The following HEATR6 variants were observed in gnomAD, a reference collection of about 807,000 sequenced individuals.
HEATR6 encodes HEAT repeat-containing protein 6.
Under a neutral mutation model 132.8 loss-of-function variants are expected in HEATR6, and 106 were observed. That is an observed-to-expected ratio of 0.80 (90% CI 0.68 to 0.94). HEATR6 has a LOEUF of 0.94. Among genes scored for constraint, HEATR6 ranks in the 40% least tolerant of loss-of-function variants. HEATR6 has a pLI of 0.00. For synonymous variants in HEATR6, 529 were observed against 537.8 expected (o/e 0.98, Z 0.23); for missense variants, 1,339 against 1,425.1 (o/e 0.94, Z 0.97).
chr17:60,047,593 CA>C lies in HEATR6; in HGVS notation c.2673-189del, dbSNP rs56109196. On this transcript the variant is annotated intron_variant, in intron 17 of 19. Coordinates refer to ENST00000184956, the MANE Select transcript of HEATR6 (RefSeq NM_022070.5). ...AATAGTTCCCCACATAGGAATGTCT[CA>C]AAAAAAAAAAAATCTCAAAATGCAG... is the stretch of plus-strand genomic sequence containing the variant. Among the ~76,000 whole-genome samples the C allele has an allele frequency of 5.6e-3, 782 of 140,856 alleles. 3 individuals are homozygous for C. Among genetic ancestry groups the C allele is most frequent in the African/African-American group, 0.015 (608 of 39,796 alleles). 92.4% of individuals were successfully genotyped at this position (140,856 alleles called of 152,430 possible).
Position 60,066,202 on chromosome 17 carries a change from C to A in HEATR6, c.1416+7G>T, listed in dbSNP as rs2083239538. 3 of 1,608,268 alleles carry A rather than the reference C, an allele frequency of 1.9e-6. No homozygotes were observed. The highest frequency in any genetic ancestry group is 1.1e-5 in the South Asian group (1 of 89,742). On this transcript the variant is annotated splice_region_variant and intron_variant, in intron 9 of 19. Transcript: ENST00000184956. ...TATTATAAAGCTTAGAGTTTAAATTCTCTTACCTTTGGAGAAGGGTCTTTC... is the reference window on the plus strand; with the variant it reads ...TATTATAAAGCTTAGAGTTTAAATTATCTTACCTTTGGAGAAGGGTCTTTC...
intron 1 of HEATR6, chr17:60,076,726 A>T (rs1002554549): frequency 5.2e-5 from 8 of 153,130 alleles, no homozygotes; most frequent in Non-Finnish European, 1.2e-4. Context: ...AAAAGAAAAA[A>T]AAAGGAAAAG....
Position 60,043,464 on chromosome 17 carries a change from G to A in HEATR6, c.*99C>T, listed in dbSNP as rs77648163. The A allele has an allele frequency of 4.2e-4, 418 of 1,001,420 alleles. No homozygotes were observed. Among genetic ancestry groups the A allele is most frequent in the Non-Finnish European group, 5.3e-4 (352 of 664,104 alleles). 62.0% of individuals were successfully genotyped at this position (1,001,420 alleles called of 1,614,324 possible). ...AAGTCATTCTAAATAAATAGTGAAC[G>A]GATTGTTTCTGCCCCTAAGATGAAA... On this transcript the variant is annotated 3_prime_UTR_variant, in exon 20 of 20. Coordinates refer to ENST00000184956, the MANE Select transcript of HEATR6 (RefSeq NM_022070.5).
At chr17:60,056,075 G>A in intron 13 of HEATR6, 40 bp downstream of exon 13, 1 of 1,605,714 alleles carries the variant, frequency 6.2e-7, no homozygotes, top group Non-Finnish European at 8.5e-7. Context: ...GATATAAAGT[G>A]AAGAGAAGGA....
At chr17:60,064,416 T>C (rs2083228821) in intron 9 of HEATR6, 1 of 152,374 alleles carries the variant, frequency 6.6e-6, no homozygotes, top group Non-Finnish European at 1.5e-5. Context: ...ATGGACAGAC[T>C]GCAAAGGTAT....
chr17:60,049,621 G>A lies in HEATR6; in HGVS notation c.2506C>T (p.Arg836Trp), dbSNP rs752099952. 1.2e-5 allele frequency: 19 copies of A among 1,613,762 alleles called. No homozygotes were observed. Among genetic ancestry groups the A allele is most frequent in the Middle Eastern group, 1.6e-4 (1 of 6,062 alleles). The change falls in exon 16 of 20, where the codon CGG becomes TGG. Residue 836 changes from arginine to tryptophan, a missense_variant. Arg to Trp is a moderately radical substitution (Grantham distance 101). Coordinates refer to ENST00000184956, the MANE Select transcript of HEATR6 (RefSeq NM_022070.5). ...KNRLVKAATS[R>W]ALGVYVLFPC... is the part of the protein sequence containing the mutation. ...AAAAGCACATAGACTCCCAGGGCCCGTGAAGTTGCAGCTTTCACTAAGCGA... is the reference window on the plus strand; with the variant it reads ...AAAAGCACATAGACTCCCAGGGCCCATGAAGTTGCAGCTTTCACTAAGCGA...
At chr17:60,066,111 G>A in intron 9 of HEATR6, 98 bp downstream of exon 9, 1 of 1,035,008 alleles carries the variant, frequency 9.7e-7, no homozygotes, top group Non-Finnish European at 1.5e-6. Context: ...GTGTTACTAA[G>A]AGCTATATTC....
intron 10 of HEATR6, 122 bp downstream of exon 10, chr17:60,059,768 G>A (rs1906872589): frequency 1.3e-6 from 1 of 765,356 alleles, no homozygotes; most frequent in Non-Finnish European, 2.2e-6. Flanking sequence ...TCCAAATAGT[G>A]TATTTTTAAT....
intron 11 of HEATR6, among the ~76,000 whole-genome samples, chr17:60,057,933 G>A (rs1906807164): frequency 6.6e-6 from 1 of 152,044 alleles, no homozygotes; most frequent in African/African-American, 2.4e-5. Flanking sequence ...ATTTATGTGG[G>A]TCTATTTCTG....
At position 60,044,112 on chromosome 17, in the gene HEATR6, C is replaced by T; in HGVS notation, c.2997G>A (p.Gln999=). Residue 999 remains glutamine, a synonymous_variant, in exon 20 of 20, where the codon CAG becomes CAA. Coordinates refer to ENST00000184956, the MANE Select transcript of HEATR6 (RefSeq NM_022070.5). ...CGACCGATGTCAGGGCATTGTAGGCCTGGGAGGTCCATGGGGCTGTCCCTA... is the reference window on the plus strand; with the variant it reads ...CGACCGATGTCAGGGCATTGTAGGCTTGGGAGGTCCATGGGGCTGTCCCTA... ...LPLGTAPWTS[Q]AYNALTSVVT... 1 of 1,611,644 alleles carries T rather than the reference C, an allele frequency of 6.2e-7. No homozygotes were observed. The highest frequency in any genetic ancestry group is 8.5e-7 in the Non-Finnish European group (1 of 1,178,652).
At position 60,057,174 on chromosome 17, in the gene HEATR6, G is replaced by A. The variant is rs143990345; in HGVS notation, c.1953C>T (p.Cys651=). 2.7e-4 allele frequency: 428 copies of A among 1,614,080 alleles called. 3 individuals carry two copies. The highest frequency in any genetic ancestry group is 4.2e-5 in the Non-Finnish European group (49 of 1,179,916). Residue 651 remains cysteine (C), a synonymous_variant, in exon 12 of 20, where the codon TGC becomes TGT. Transcript: ENST00000184956. Reference sequence around the variant, plus strand: ...TGGAAATGCAGAGTCGAATGAGCCAGCAGGGCTCTGAAGACCCCTTAGGTG... The same window carrying A: ...TGGAAATGCAGAGTCGAATGAGCCAACAGGGCTCTGAAGACCCCTTAGGTG... ...VSSPKGSSEP[C]WLIRLCISIV...
rs1906363516 is a variant in HEATR6, at chr17:60,046,249, T to G, written c.2770-20A>C. 2.6e-6 allele frequency: 4 copies of G among 1,562,828 alleles called. No individual in the cohort carries two copies. Among genetic ancestry groups the G allele is most frequent in the Non-Finnish European group, 2.6e-6 (3 of 1,149,256 alleles). On this transcript the variant is annotated intron_variant, in intron 18 of 19. Coordinates refer to ENST00000184956, the MANE Select transcript of HEATR6 (RefSeq NM_022070.5). ...TTTTACCTAGAAAAAATGTAAATGC[T>G]TTAGAAATCTGTTTGGCCAAAGAGA...
chr17:60,054,213 G>A (rs1037243202), intron 14 of HEATR6, among the ~76,000 whole-genome samples: 2 of 152,256 alleles, frequency 1.3e-5, no homozygotes, highest in Non-Finnish European at 2.9e-5. Context: ...AGTGGGTACA[G>A]GCTGTAAGCC....
Position 60,043,477 on chromosome 17 carries a change from C to A in HEATR6, c.*86G>T. 1 of 1,094,880 alleles carries A rather than the reference C, an allele frequency of 9.1e-7. No individual in the cohort carries two copies. 67.8% of individuals were successfully genotyped at this position (1,094,880 alleles called of 1,614,324 possible). A position where few individuals can be genotyped will look rare whatever the true frequency, so the allele number is the denominator to read the frequency against. On this transcript the variant is annotated 3_prime_UTR_variant, in exon 20 of 20. Transcript: ENST00000184956. ...TAAATAGTGAACGGATTGTTTCTGC[C>A]CCTAAGATGAAATCCCACAGATCTT...
At chr17:60,073,953 T>C in intron 2 of HEATR6, 67 bp from the exon 3 acceptor site, 1 of 1,550,078 alleles carries the variant, frequency 6.5e-7, no homozygotes, top group East Asian at 2.3e-5. Flanking sequence ...TATGGACATG[T>C]ATGCTCACCT....
chr17:60,073,101 T>C, intron 4 of HEATR6, 63 bp downstream of exon 4: 1 of 942,018 alleles, frequency 1.1e-6, no homozygotes, highest in Non-Finnish European at 1.7e-6. Context: ...GGGAACTACC[T>C]ACAAAGGGCC....
chr17:60,072,234 T>A lies in HEATR6; in HGVS notation c.680A>T (p.Asp227Val), dbSNP rs1162793978. Reference sequence around the variant, plus strand: ...ACTTACCATGCAAAATGTGATATCATCCATATCAGATGATTTTGGAGACTG... The same window carrying A: ...ACTTACCATGCAAAATGTGATATCAACCATATCAGATGATTTTGGAGACTG... ...ILQSPKSSDMDDITFCMLLQN... is the reference protein window; with the variant it reads ...ILQSPKSSDMVDITFCMLLQN... The change falls in exon 5 of 20, where the codon GAT becomes GTT. Residue 227 changes from aspartate (D) to valine (V), a missense_variant. Physicochemically the swap from Asp to Val is radical, Grantham distance 152 (BLOSUM62 -3). Coordinates refer to ENST00000184956, the MANE Select transcript of HEATR6 (RefSeq NM_022070.5). The A allele has an allele frequency of 4.4e-6, 7 of 1,585,114 alleles. No homozygotes were observed. The East Asian group carries it at 1.6e-4, about 35-fold the overall frequency.
intron 9 of HEATR6, among the ~76,000 whole-genome samples, chr17:60,060,696 G>A (rs975672615): frequency 1.1e-4 from 17 of 152,288 alleles, no homozygotes; most frequent in African/African-American, 4.1e-4. Context: ...TGAAGTATGT[G>A]TGTTCAATGT....
At chr17:60,068,914 C>A (rs1454447253) in intron 7 of HEATR6, among the ~76,000 whole-genome samples, 1 of 152,172 alleles carries the variant, frequency 6.6e-6, no homozygotes. Flanking sequence ...CCATCTTTGC[C>A]TTCTCCCTCA....
Sources: gnomAD v4.1 joint callset for allele counts (sites outside exome capture counted in the v4.1 genomes callset) on GRCh38, gnomAD v4.1.1 for gene constraint, MANE v1.5 for transcripts, NCBI Gene and HGNC (gene_info 2026-07-23, HGNC 2026-07-21) for gene names.